The following EEIG1 variants were observed in gnomAD, a reference collection of about 807,000 sequenced individuals.
The protein encoded by EEIG1 is estrogen-induced osteoclastogenesis regulator 1.
At chr9:127,964,609 T>C in the EEIG1 span, among the ~76,000 whole-genome samples, 3 of 152,258 alleles carry the variant, frequency 2.0e-5, no homozygotes, top group Non-Finnish European at 4.4e-5. Flanking sequence ...CGGGTATCAC[T>C]GGGGCAGTCC....
At chr9:127,942,761 C>A in the EEIG1 span, 1 of 211,352 alleles carries the variant, frequency 4.7e-6, no homozygotes, top group East Asian at 1.3e-4. Context: ...TAAGACGTGA[C>A]CAAAGCCAGT....
the EEIG1 span, among the ~76,000 whole-genome samples, chr9:127,955,140 G>T: frequency 6.6e-6 from 1 of 152,188 alleles, no homozygotes. Context: ...AAGCACAACC[G>T]CCAAGGGGAC....
the EEIG1 span, chr9:127,941,832 C>T: frequency 1.3e-5 from 2 of 152,326 alleles, no homozygotes; most frequent in South Asian, 4.1e-4. Context: ...CAATATTGAA[C>T]CGTGAACTCA....
the EEIG1 span, among the ~76,000 whole-genome samples, chr9:127,965,564 C>A: frequency 1.3e-5 from 2 of 152,182 alleles, no homozygotes; most frequent in Non-Finnish European, 2.9e-5. Flanking sequence ...CCTTGCCTGC[C>A]ATCCGTCTGC....
At chr9:127,980,784 C>A in the EEIG1 span, among the ~76,000 whole-genome samples, 1 of 149,812 alleles carries the variant, frequency 6.7e-6, no homozygotes, top group South Asian at 2.1e-4. Context: ...CTCCTCAGGG[C>A]AGGCACCGGG....
chr9:127,979,096 C>G, the EEIG1 span, among the ~76,000 whole-genome samples: 1 of 152,166 alleles, frequency 6.6e-6, no homozygotes. Flanking sequence ...AGCAAGTCTT[C>G]CACGTAGGCC....
chr9:127,943,966 C>T, the EEIG1 span: 1 of 154,332 alleles, frequency 6.5e-6, no homozygotes, highest in Non-Finnish European at 1.4e-5. Flanking sequence ...GCGGGCTCCC[C>T]ACCTGCCCTC....
the EEIG1 span, among the ~76,000 whole-genome samples, chr9:127,978,673 C>G: frequency 6.6e-6 from 1 of 151,980 alleles, no homozygotes; most frequent in South Asian, 2.1e-4. Flanking sequence ...AACCCCATTT[C>G]TACTAAAAAT....
At chr9:127,967,235 C>A in the EEIG1 span, among the ~76,000 whole-genome samples, 1 of 152,208 alleles carries the variant, frequency 6.6e-6, no homozygotes, top group South Asian at 2.1e-4. Flanking sequence ...CCCCAGCAGG[C>A]AAGCTCTGCA....
At chr9:127,952,947 G>A in the EEIG1 span, among the ~76,000 whole-genome samples, 2 of 152,132 alleles carry the variant, frequency 1.3e-5, no homozygotes, top group East Asian at 3.9e-4. Context: ...GAACTCCTGA[G>A]CTCAGGCAAT....
chr9:127,958,867 C>A, the EEIG1 span, among the ~76,000 whole-genome samples: 6 of 152,082 alleles, frequency 3.9e-5, no homozygotes, highest in Non-Finnish European at 8.8e-5. Flanking sequence ...GGCAAAGGAT[C>A]CAAATAGACA....
the EEIG1 span, chr9:127,950,321 G>A: frequency 4.2e-6 from 5 of 1,185,756 alleles, no homozygotes; most frequent in Admixed American, 1.8e-5. Context: ...ATTCAGGTAA[G>A]GCCTGTATTT....
the EEIG1 span, among the ~76,000 whole-genome samples, chr9:127,966,381 G>A: frequency 6.6e-6 from 1 of 151,720 alleles, no homozygotes; most frequent in African/African-American, 2.4e-5. Flanking sequence ...ACTGGGACTG[G>A]AGGACTGCTT....
the EEIG1 span, among the ~76,000 whole-genome samples, chr9:127,974,256 G>A: frequency 6.6e-6 from 1 of 152,156 alleles, no homozygotes; most frequent in East Asian, 1.9e-4. Context: ...GTGCAGGTCA[G>A]GCCCCTGAAC....
chr9:127,945,996 A>C, the EEIG1 span, among the ~76,000 whole-genome samples: 1 of 152,250 alleles, frequency 6.6e-6, no homozygotes, highest in African/African-American at 2.4e-5. This position sits in a 1 kb window ranked among gnomAD's most constrained non-coding sequence, Gnocchi z 6.5. Flanking sequence ...GAGGAAGAAG[A>C]ACGCTGAACA....
chr9:127,951,827 A>G, the EEIG1 span, among the ~76,000 whole-genome samples: 7 of 151,054 alleles, frequency 4.6e-5, no homozygotes, highest in African/African-American at 1.5e-4. Context: ...AAAAAAAAAA[A>G]AAAAGAAAAG....
chr9:127,943,036 G>A, the EEIG1 span: 1 of 699,668 alleles, frequency 1.4e-6, no homozygotes. Context: ...GAGGGGCAAT[G>A]GAATGATGCT....
At chr9:127,945,479 C>A in the EEIG1 span, 1 of 1,566,630 alleles carries the variant, frequency 6.4e-7, no homozygotes, top group East Asian at 2.4e-5. This position sits in a 1 kb window ranked among gnomAD's most constrained non-coding sequence, Gnocchi z 6.5. Flanking sequence ...CCAAGGCCCC[C>A]AGAGGCGCTG....
chr9:127,953,456 T>C, the EEIG1 span: 3 of 813,732 alleles, frequency 3.7e-6, no homozygotes, highest in Non-Finnish European at 6.2e-6. Flanking sequence ...AAATAACACA[T>C]CTCAGGTAGG....
Sources: gnomAD v4.1 joint callset for allele counts (sites outside exome capture counted in the v4.1 genomes callset) on GRCh38, gnomAD v4.1.1 for gene constraint, Gnocchi (gnomAD v3.1) non-coding constraint, MANE v1.5 for transcripts, NCBI Gene and HGNC (gene_info 2026-07-23, HGNC 2026-07-21) for gene names.